The following PI4KA variants were observed in gnomAD, a reference collection of about 807,000 sequenced individuals.
PI4KA encodes PI4-kinase alpha.
PI4KA carries 122 observed loss-of-function variants against 271.4 expected under a neutral mutation model. The observed-to-expected ratio is 0.45, with a 90% confidence interval of 0.39 to 0.52. The LOEUF (loss-of-function observed/expected upper bound fraction) is 0.52, where lower values mean the gene tolerates loss of function less well. PI4KA is among the 20% of genes least tolerant of loss of function. The pLI is 0.00. For missense variants in PI4KA, 1,969 were observed against 2,769.1 expected, an observed-to-expected ratio of 0.71 and a Z score of 6.48; for synonymous variants, 1,041 against 1,078.8, an observed-to-expected ratio of 0.96 and a Z score of 0.69.
At chr22:20,740,493 C>T (rs1558657) in intron 32 of PI4KA, among the ~76,000 whole-genome samples, 121,824 of 151,130 alleles carry the variant, frequency 0.81, 49,623 homozygotes, top group African/African-American at 0.91. Flanking sequence ...CAAAGAAATA[C>T]TGACCTCAAG....
At chr22:20,824,224 A>C in intron 4 of PI4KA, 102 bp downstream of exon 4, 1 of 792,672 alleles carries the variant, frequency 1.3e-6, no homozygotes, top group Non-Finnish European at 2.2e-6. Flanking sequence ...AAATATCAAC[A>C]AACAATTCAA....
At chr22:20,719,481 G>A (rs961101495) in intron 43 of PI4KA, among the ~76,000 whole-genome samples, 4 of 152,230 alleles carry the variant, frequency 2.6e-5, no homozygotes, top group Non-Finnish European at 4.4e-5. Context: ...CACTCTTGCC[G>A]CATCTAAGGC....
chr22:20,741,948 G>T (rs966353365), intron 32 of PI4KA, among the ~76,000 whole-genome samples: 2 of 152,182 alleles, frequency 1.3e-5, no homozygotes, highest in Non-Finnish European at 1.5e-5. Context: ...AAGTTAACAG[G>T]TGTTCAAAAA....
intron 32 of PI4KA, among the ~76,000 whole-genome samples, chr22:20,740,975 AG>A (rs1338482991): frequency 3.3e-5 from 5 of 152,264 alleles, no homozygotes; most frequent in Non-Finnish European, 7.3e-5. Context: ...AGGAGATCAC[AG>A]GAAGACTGTA....
Position 20,796,248 on chromosome 22 carries a change from CA to C in PI4KA, c.2174del (p.Leu725ArgfsTer7). ...NIAANIQDEH[L>X]VDELLMNLLE... ...ACAGGTTCATGAGCAGCTCATCCAC[CA>C]GGTGCTCGTCTTGGATGTTGGCCGC... On this transcript the variant is annotated frameshift_variant, in exon 18 of 55. Transcript: ENST00000255882. LOFTEE classifies it high-confidence loss of function. 1 of 1,614,168 alleles carries C rather than the reference CA, an allele frequency of 6.2e-7. No individual in the cohort carries two copies. The highest frequency in any genetic ancestry group is 8.5e-7 in the Non-Finnish European group (1 of 1,180,018).
At position 20,718,837 on chromosome 22, in the gene PI4KA, A is replaced by G. The variant is rs367825616; in HGVS notation, c.5117-15T>C. The G allele has an allele frequency of 3.1e-4, 503 of 1,613,028 alleles. No individual in the cohort carries two copies. Among genetic ancestry groups the G allele is most frequent in the Non-Finnish European group, 4.2e-4 (495 of 1,179,790 alleles). Reference sequence around the variant, plus strand: ...GCCGATGTCAGCTGCCAAGGAAGCAAAGAGGCTTAAGTCTCTGTGGCTGTG... The same window carrying G: ...GCCGATGTCAGCTGCCAAGGAAGCAGAGAGGCTTAAGTCTCTGTGGCTGTG... On this transcript the variant is annotated splice_polypyrimidine_tract_variant and intron_variant, in intron 43 of 54. Coordinates refer to ENST00000255882, the MANE Select transcript of PI4KA (RefSeq NM_058004.4).
At chr22:20,729,555 C>A (rs1032438662) in intron 38 of PI4KA, 49 bp from the exon 39 acceptor site, 25 of 1,550,260 alleles carry the variant, frequency 1.6e-5, no homozygotes, top group Non-Finnish European at 2.1e-5. Context: ...CTGTGAGTGC[C>A]CACACACTGC....
chr22:20,811,780 G>A (rs1197249560), intron 8 of PI4KA, among the ~76,000 whole-genome samples: 12 of 152,118 alleles, frequency 7.9e-5, no homozygotes, highest in Admixed American at 2.6e-4. Flanking sequence ...TTAGGAGGCC[G>A]AGGCAGGCGG....
intron 3 of PI4KA, among the ~76,000 whole-genome samples, chr22:20,830,829 T>G (rs1924061760): frequency 6.6e-6 from 1 of 152,168 alleles, no homozygotes; most frequent in Admixed American, 6.5e-5. Flanking sequence ...TGGAGTGCAG[T>G]GATGCGACTG....
Position 20,727,378 on chromosome 22 carries a change from G to A in PI4KA, c.4793C>T (p.Thr1598Ile). ...EAIKFLVTWH[T>I]IDADAPELSH... is the part of the protein sequence containing the mutation. Reference sequence around the variant, plus strand: ...GAGCTCTGGAGCATCGGCGTCGATGGTGTGCCAGGTGACCAGGAACTGCAG... The same window carrying A: ...GAGCTCTGGAGCATCGGCGTCGATGATGTGCCAGGTGACCAGGAACTGCAG... The change falls in exon 41 of 55, where the codon ACC becomes ATC. Residue 1598 changes from threonine (T) to isoleucine (I), a missense_variant. This residue lies in a region of PI4KA where 388 missense variants were observed against 521.5 expected (regional missense o/e 0.74). Coordinates refer to ENST00000255882, the MANE Select transcript of PI4KA (RefSeq NM_058004.4). The A allele has an allele frequency of 6.2e-7, 1 of 1,605,494 alleles. No homozygotes were observed. Among genetic ancestry groups the A allele is most frequent in the Non-Finnish European group, 8.5e-7 (1 of 1,176,134 alleles).
chr22:20,803,853 T>C (rs558544662), intron 12 of PI4KA, among the ~76,000 whole-genome samples: 53 of 152,304 alleles, frequency 3.5e-4, no homozygotes, highest in African/African-American at 1.2e-3. Flanking sequence ...CTCATCTCTT[T>C]TGGAAGCATA....
At chr22:20,746,238 A>AT (rs1177844954) in intron 29 of PI4KA, among the ~76,000 whole-genome samples, 2 of 151,504 alleles carry the variant, frequency 1.3e-5, no homozygotes, top group Non-Finnish European at 2.9e-5. Context: ...AATTTTTTGT[A>AT]TTTTTAGTAG....
intron 3 of PI4KA, among the ~76,000 whole-genome samples, chr22:20,825,843 T>C (rs180955881): frequency 6.6e-5 from 10 of 152,280 alleles, no homozygotes; most frequent in African/African-American, 2.2e-4. Flanking sequence ...GTAATAAGCA[T>C]AGTACCCAGA....
intron 9 of PI4KA, among the ~76,000 whole-genome samples, chr22:20,810,378 G>A (rs1935926023): frequency 6.6e-6 from 1 of 152,014 alleles, no homozygotes; most frequent in African/African-American, 2.4e-5. Context: ...GTGTGGTGGA[G>A]GGTGCCTGTA....
chr22:20,795,121 G>A (rs1335065407), intron 18 of PI4KA, among the ~76,000 whole-genome samples: 1 of 151,960 alleles, frequency 6.6e-6, no homozygotes, highest in Middle Eastern at 3.2e-3. Flanking sequence ...GGATACATTG[G>A]GGTTTTTCTT....
At chr22:20,756,369 C>T (rs149360310) in intron 23 of PI4KA, among the ~76,000 whole-genome samples, 3,953 of 151,914 alleles carry the variant, frequency 0.026, 173 homozygotes, top group African/African-American at 0.091. Context: ...TACAGGCATG[C>T]GCCACCATGC....
At chr22:20,833,986 TCAAA>T (rs1486203515) in intron 3 of PI4KA, among the ~76,000 whole-genome samples, 1 of 151,992 alleles carries the variant, frequency 6.6e-6, no homozygotes, top group Admixed American at 6.6e-5. Flanking sequence ...ACTCCTGAGT[TCAAA>T]CAATCTGCCC....
At chr22:20,801,201 T>C (rs1339943964) in intron 14 of PI4KA, among the ~76,000 whole-genome samples, 2 of 151,698 alleles carry the variant, frequency 1.3e-5, no homozygotes, top group Non-Finnish European at 2.9e-5. Flanking sequence ...CTTATTATGT[T>C]TATGATCAGG....
At chr22:20,738,884 T>A (rs1167919000) in intron 32 of PI4KA, among the ~76,000 whole-genome samples, 2 of 149,336 alleles carry the variant, frequency 1.3e-5, no homozygotes. Context: ...AGCTATTGAG[T>A]AGGAGGAGGA....
Sources: gnomAD v4.1 joint callset for allele counts (sites outside exome capture counted in the v4.1 genomes callset) on GRCh38, gnomAD v4.1.1 for gene constraint, gnomAD v4.1.1 regional missense constraint, MANE v1.5 for transcripts, NCBI Gene and HGNC (gene_info 2026-07-23, HGNC 2026-07-21) for gene names.